Variants in MAST3 observed in about 807,000 individuals in gnomAD.
The protein encoded by MAST3 is microtubule-associated serine/threonine-protein kinase 3.
A neutral mutation model predicts 127.0 loss-of-function variants in MAST3; 43 were observed. The ratio of observed to expected loss-of-function variants is 0.34; its 90% CI spans 0.27 to 0.44. The LOEUF is 0.44. Ranked by LOEUF, MAST3 falls within the 20% of genes least tolerant of loss-of-function variation. The pLI is 1.00. For missense variants in MAST3, 1,390 were observed against 1,919.1 expected (o/e 0.72, Z 5.15); for synonymous variants, 785 against 809.2 (o/e 0.97, Z 0.51).
At position 18,112,391 on chromosome 19, in the gene MAST3, G is replaced by C. The variant is rs1303977494; in HGVS notation, c.161+1650G>C. ...GCTCTGTTGCCCAGGCTGGAGTCCA[G>C]TGGTACCATCTTGGCTCACTGCAAC... On this transcript the variant is annotated intron_variant, in intron 3 of 27. Coordinates refer to ENST00000687212, the MANE Select transcript of MAST3 (RefSeq NM_001393504.1). The surrounding 1 kb of genome is among the most constrained non-coding windows in gnomAD (Gnocchi z 4.1). Among the ~76,000 whole-genome samples the C allele has an allele frequency of 6.6e-6, 1 of 152,148 alleles. No homozygotes were observed. The highest frequency in any genetic ancestry group is 1.9e-4 in the East Asian group (1 of 5,188).
In MAST3 at chr19:18,134,577, A is replaced by C; in HGVS notation, c.1572-2A>C. ...CTGAGCACACTCCTAACCTGCCCAC[A>C]GTCTGCTCATCACCTCGCTTGGCCA... On this transcript the variant is annotated splice_acceptor_variant, in intron 15 of 27. Transcript: ENST00000687212. LOFTEE classifies it high-confidence loss of function. The C allele has an allele frequency of 1.9e-6, 3 of 1,610,502 alleles. No individual in the cohort carries two copies. Among genetic ancestry groups the C allele is most frequent in the Non-Finnish European group, 2.5e-6 (3 of 1,177,706 alleles).
Position 18,102,769 on chromosome 19 carries a change from C to T in MAST3, c.40-4818C>T, listed in dbSNP as rs190729512. On this transcript the variant is annotated intron_variant, in intron 1 of 27. Transcript: ENST00000687212. ...TGCTGGGATTACAGGCGTGAGCCAC[C>T]GCACCTGGCTCAAACTCTTGATCTT... Among the ~76,000 whole-genome samples, 179 of 151,908 alleles carry T rather than the reference C, an allele frequency of 1.2e-3. 1 individual carries two copies. Among genetic ancestry groups the T allele is most frequent in the African/African-American group, 3.9e-3 (162 of 41,456 alleles).
rs757787655 is a variant in MAST3 at position 18,147,619 on chromosome 19, C to T, written c.3503C>T (p.Pro1168Leu). The T allele has an allele frequency of 1.3e-6, 2 of 1,546,622 alleles. No individual in the cohort carries two copies. Among genetic ancestry groups the T allele is most frequent in the Admixed American group, 3.9e-5 (2 of 50,912 alleles). The change falls in exon 27 of 28, where the codon CCA becomes CTA. Residue 1168 changes from proline to leucine, a missense_variant. Coordinates refer to ENST00000687212, the MANE Select transcript of MAST3 (RefSeq NM_001393504.1). ...TPCRSPAPDVPADTTASPPSA... is the reference protein window; with the variant it reads ...TPCRSPAPDVLADTTASPPSA... ...TGCCGAAGCCCAGCCCCTGATGTCC[C>T]AGCAGGTGGGTGCACCCCGACCCCC... is the stretch of plus-strand genomic sequence containing the variant.
intron 18 of MAST3, among the ~76,000 whole-genome samples, chr19:18,136,942 C>T (rs188010062): frequency 3.9e-5 from 6 of 152,298 alleles, no homozygotes; most frequent in Non-Finnish European, 8.8e-5. Flanking sequence ...TTGCCTCAGC[C>T]TCCCGAGTAG....
rs185166217 is a variant in MAST3, at chr19:18,115,675, T to C, written c.161+4934T>C. On this transcript the variant is annotated intron_variant, in intron 3 of 27. Transcript: ENST00000687212. ...CCCACTTTTCTCCACAGCTTCAATA[T>C]TCCCCTCCCAGACACCGTCCCAGAC... 1.3e-3 allele frequency among the ~76,000 whole-genome samples: 200 copies of C among 152,208 alleles called. 1 individual carries two copies. The highest frequency in any genetic ancestry group is 4.7e-3 in the African/African-American group (197 of 41,532).
Position 18,110,663 on chromosome 19 carries a change from G to A in MAST3, c.83G>A (p.Ser28Asn). 4 of 985,806 alleles carry A rather than the reference G, an allele frequency of 4.1e-6. No individual in the cohort carries two copies. Among genetic ancestry groups the A allele is most frequent in the Non-Finnish European group, 4.8e-6 (4 of 829,920 alleles). 61.1% of individuals were successfully genotyped at this position (985,806 alleles called of 1,614,324 possible). A position where few individuals can be genotyped will look rare whatever the true frequency, so the allele number is the denominator to read the frequency against. Residue 28 changes from serine (S) to asparagine (N), a missense_variant, in exon 3 of 28, where the codon AGC (serine) becomes AAC (asparagine). Ser to Asn is a conservative substitution (Grantham distance 46). Transcript: ENST00000687212. The surrounding 1 kb of genome is among the most constrained non-coding windows in gnomAD (Gnocchi z 4.3). ...CTCTTTCTTTGCAGTCTGTCTCCGA[G>A]CAGCCAGAGCCCGTCCCTGCTGGGT... ...LPRRGRGLSP[S>N]SQSPSLLGPS...
chr19:18,110,173 C>T lies in MAST3; in HGVS notation c.72-479C>T. The T allele has an allele frequency of 1.0e-6, 1 of 985,444 alleles. No individual in the cohort carries two copies. The highest frequency in any genetic ancestry group is 1.2e-6 in the Non-Finnish European group (1 of 829,954). The allele number at this position is 985,444 out of a possible 1,614,324, so 61.0% of individuals were successfully genotyped here. On this transcript the variant is annotated intron_variant, in intron 2 of 27. Coordinates refer to ENST00000687212, the MANE Select transcript of MAST3 (RefSeq NM_001393504.1). This position sits in a 1 kb window ranked among gnomAD's most constrained non-coding sequence, Gnocchi z 4.3. ...CAGCCCGGCCCCCAGCGGCCCAGCC[C>T]CCGCGTCTAGTCTGCCGCACCAGCC...
intron 11 of MAST3, among the ~76,000 whole-genome samples, chr19:18,125,270 G>A (rs2040479651): frequency 6.6e-6 from 1 of 152,196 alleles, no homozygotes; most frequent in African/African-American, 2.4e-5. Flanking sequence ...AGGGGCCTCA[G>A]TGTCCTCAAA....
At chr19:18,118,145 G>A in intron 3 of MAST3, 1 of 985,236 alleles carries the variant, frequency 1.0e-6, no homozygotes. Flanking sequence ...GGGCGGCTGC[G>A]GCGGCACAAA....
At position 18,145,238 on chromosome 19, in the gene MAST3, C is replaced by T. The variant is rs375642830; in HGVS notation, c.3039+9C>T. The T allele has an allele frequency of 2.4e-5, 38 of 1,610,236 alleles. No homozygotes were observed. The African/African-American group carries it at 3.6e-4, about 15-fold the overall frequency. Reference sequence around the variant, plus strand: ...TGCACCACGTCGTCTGGGTGAGTGCCGAGTGGGAATGGCAGGGACCCGGGT... The same window carrying T: ...TGCACCACGTCGTCTGGGTGAGTGCTGAGTGGGAATGGCAGGGACCCGGGT... On this transcript the variant is annotated intron_variant, in intron 24 of 27. Coordinates refer to ENST00000687212, the MANE Select transcript of MAST3 (RefSeq NM_001393504.1). This position sits in a 1 kb window ranked among gnomAD's most constrained non-coding sequence, Gnocchi z 5.9.
chr19:18,117,701 G>A (rs1367599491), intron 3 of MAST3, among the ~76,000 whole-genome samples: 1 of 152,166 alleles, frequency 6.6e-6, no homozygotes, highest in Non-Finnish European at 1.5e-5. Context: ...TGGGAGAGAG[G>A]AAAAAGATGG....
chr19:18,135,129 C>T (rs751418340), intron 17 of MAST3, 147 bp downstream of exon 17: 14 of 925,886 alleles, frequency 1.5e-5, no homozygotes, highest in African/African-American at 1.3e-4. Flanking sequence ...CTGAGTGAGG[C>T]GGGTGGCTGG....
intron 17 of MAST3, 37 bp from the exon 18 acceptor site, chr19:18,135,703 C>T (rs781471584): frequency 5.4e-6 from 8 of 1,475,784 alleles, no homozygotes; most frequent in Non-Finnish European, 7.5e-6. Flanking sequence ...CTGCCTTCTC[C>T]CTCCCTCCCT....
At chr19:18,139,755 C>T (rs959065226) in intron 20 of MAST3, among the ~76,000 whole-genome samples, 1 of 152,180 alleles carries the variant, frequency 6.6e-6, no homozygotes, top group African/African-American at 2.4e-5. Context: ...GCCATCGCAC[C>T]CGGCCTTGTA....
rs906101465 is a variant in MAST3, at chr19:18,149,394, C to A, written c.3712C>A (p.Arg1238Ser). The A allele has an allele frequency of 1.4e-6, 2 of 1,467,272 alleles. No individual in the cohort carries two copies. The highest frequency in any genetic ancestry group is 3.0e-5 in the African/African-American group (2 of 67,660). 90.9% of individuals were successfully genotyped at this position (1,467,272 alleles called of 1,614,324 possible). A position where few individuals can be genotyped will look rare whatever the true frequency, so the allele number is the denominator to read the frequency against. ...CCCGCCCATCTCCGCGCCCCCACCC[C>A]GCTCGCCCTCGCCCCTGCCCGGGCA... ...ACPPISAPPP[R>S]SPSPLPGHPP... is the part of the protein sequence containing the mutation. The change falls in exon 28 of 28, where the codon CGC (arginine) becomes AGC (serine). Residue 1238 changes from arginine (R) to serine (S), a missense_variant. Around this residue, in one of 5 missense-constraint regions of MAST3, gnomAD observed 816 missense variants for 934.1 expected, o/e 0.87. Coordinates refer to ENST00000687212, the MANE Select transcript of MAST3 (RefSeq NM_001393504.1). This position sits in a 1 kb window ranked among gnomAD's most constrained non-coding sequence, Gnocchi z 5.9.
Position 18,145,120 on chromosome 19 carries a change from G to C in MAST3, c.2930G>C (p.Arg977Pro). The change falls in exon 24 of 28, where the codon CGG (arginine) becomes CCG (proline). Residue 977 changes from arginine (R) to proline (P), a missense_variant. Coordinates refer to ENST00000687212, the MANE Select transcript of MAST3 (RefSeq NM_001393504.1). This position sits in a 1 kb window ranked among gnomAD's most constrained non-coding sequence, Gnocchi z 5.9. ...RDPSPVCGSL[R>P]PPIVIHSSGK... ...CCGTCCCCCGTGTGTGGCAGCCTGC[G>C]GCCCCCCATCGTTATCCACAGCTCT... is the stretch of plus-strand genomic sequence containing the variant. The C allele has an allele frequency of 1.9e-6, 3 of 1,613,808 alleles. No individual in the cohort carries two copies. The highest frequency in any genetic ancestry group is 1.7e-6 in the Non-Finnish European group (2 of 1,179,874).
rs370018869 is a variant in MAST3 at position 18,107,607 on chromosome 19, C to T, written c.60C>T (p.Arg20=). 2 of 1,612,764 alleles carry T rather than the reference C, an allele frequency of 1.2e-6. No homozygotes were observed. Among genetic ancestry groups the T allele is most frequent in the African/African-American group, 2.7e-5 (2 of 74,988 alleles). ...RGLQKELSLP[R]RGRGLSPSSQ... The stretch of plus-strand genomic sequence containing the variant: ...TGCAGAAGGAGCTGAGCCTGCCACG[C>T]CGAGGACGTGGGTGAGTTCACCTGG... Residue 20 remains arginine, a synonymous_variant, in exon 2 of 28, where the codon CGC becomes CGT. Coordinates refer to ENST00000687212, the MANE Select transcript of MAST3 (RefSeq NM_001393504.1).
intron 21 of MAST3, among the ~76,000 whole-genome samples, chr19:18,142,477 G>T (rs1015249959): frequency 1.3e-4 from 19 of 147,060 alleles, no homozygotes; most frequent in African/African-American, 4.8e-4. Context: ...TCAGCCTCCC[G>T]AGTAGCTGGG....
intron 11 of MAST3, among the ~76,000 whole-genome samples, 157 bp downstream of exon 11, chr19:18,124,931 A>ACC (rs111723470): frequency 0.067 from 9,041 of 135,274 alleles, 285 homozygotes; most frequent in Middle Eastern, 0.086. Context: ...CATGGTGGAA[A>ACC]CCCCCCCCCT....
Sources: gnomAD v4.1 joint callset for allele counts (sites outside exome capture counted in the v4.1 genomes callset) on GRCh38, gnomAD v4.1.1 for gene constraint, gnomAD v4.1.1 regional missense constraint, Gnocchi (gnomAD v3.1) non-coding constraint, MANE v1.5 for transcripts, NCBI Gene and HGNC (gene_info 2026-07-23, HGNC 2026-07-21) for gene names.